ITPR1: variants seen among roughly 807,000 people sequenced by gnomAD.
ITPR1 encodes inositol 1,4,5-trisphosphate-gated calcium channel ITPR1.
Under a neutral mutation model 318.4 loss-of-function variants are expected in ITPR1, and 96 were observed. The observed-to-expected ratio is 0.30, with a 90% CI of 0.26 to 0.36. The LOEUF is 0.36. Among genes scored for constraint, ITPR1 ranks in the 10% least tolerant of loss-of-function variants. The pLI, the probability that ITPR1 is intolerant of heterozygous loss-of-function variation, is 1.00. For synonymous variants in ITPR1, 1,312 were observed against 1,289.9 expected (o/e 1.02, Z -0.37); for missense variants, 2,440 against 3,460.2 (o/e 0.71, Z 7.40).
intron 4 of ITPR1, among the ~76,000 whole-genome samples, chr3:4,606,424 GTGTGAAAGTTTATT>G (rs908147781): frequency 8.5e-5 from 13 of 152,152 alleles, no homozygotes; most frequent in Admixed American, 1.3e-4. Flanking sequence ...GTCTCAATCA[GTGTGAAAGTTTATT>G]TTACCAAGGT....
chr3:4,829,473 G>GA (rs1028678988), intron 60 of ITPR1, among the ~76,000 whole-genome samples: 1 of 151,274 alleles, frequency 6.6e-6, no homozygotes, highest in Non-Finnish European at 1.5e-5. Flanking sequence ...GATAGAAGAA[G>GA]AAAAAAAATT....
intron 4 of ITPR1, among the ~76,000 whole-genome samples, chr3:4,563,051 C>T (rs1193072161): frequency 1.3e-5 from 2 of 152,050 alleles, no homozygotes; most frequent in African/African-American, 4.8e-5. Flanking sequence ...GAAGAGCTGG[C>T]CACTTGTATC....
At chr3:4,834,844 G>A (rs565948957) in intron 60 of ITPR1, among the ~76,000 whole-genome samples, 1 of 152,166 alleles carries the variant, frequency 6.6e-6, no homozygotes, top group Non-Finnish European at 1.5e-5. Context: ...GGAAATTGAT[G>A]AATATAAGCT....
chr3:4,568,985 G>A (rs921629969), intron 4 of ITPR1, among the ~76,000 whole-genome samples: 7 of 151,654 alleles, frequency 4.6e-5, no homozygotes, highest in Admixed American at 3.3e-4. Context: ...AGCAAGAGAA[G>A]AATGGGGAGG....
At chr3:4,649,580 T>C (rs1049688399) in intron 10 of ITPR1, among the ~76,000 whole-genome samples, 6 of 152,358 alleles carry the variant, frequency 3.9e-5, no homozygotes, top group South Asian at 4.1e-4. Flanking sequence ...TTGCCAGTGC[T>C]GAATGTTTCA....
Position 4,697,224 on chromosome 3 carries a change from C to T in ITPR1, c.4359C>T (p.Ser1453=). Residue 1453 remains serine, a synonymous_variant, in exon 34 of 62, where the codon AGC becomes AGT. Coordinates refer to ENST00000649015, the MANE Select transcript of ITPR1 (RefSeq NM_001378452.1). ...TGGAAATGAAGGAGATTTATACCAG[C>T]AATCACATGTGGAAATTGTTTGAGA... is the stretch of plus-strand genomic sequence containing the variant. The part of the protein sequence containing the change: ...TEVEMKEIYT[S]NHMWKLFENF... 6.3e-7 allele frequency: 1 copy of T among 1,587,182 alleles called. No homozygotes were observed. Among genetic ancestry groups the T allele is most frequent in the South Asian group, 1.1e-5 (1 of 87,232 alleles).
intron 4 of ITPR1, among the ~76,000 whole-genome samples, chr3:4,595,360 A>G (rs938297544): frequency 2.0e-5 from 3 of 152,184 alleles, no homozygotes; most frequent in African/African-American, 7.2e-5. Context: ...GTGAGGTGCC[A>G]CACACTTTTA....
At position 4,565,284 on chromosome 3, in the gene ITPR1, GT is replaced by G. The variant is rs1418297277; in HGVS notation, c.163+44192del. ...CAGCATGATTTTTCTTACTGCTAGA[GT>G]TGATAGAATAGTCACAGCCACTAGC... On this transcript the variant is annotated intron_variant, in intron 4 of 61. Transcript: ENST00000649015. Among the ~76,000 whole-genome samples, 44 of 152,290 alleles carry G rather than the reference GT, an allele frequency of 2.9e-4. 1 individual carries two copies. Among genetic ancestry groups the G allele is most frequent in the African/African-American group, 1.0e-3 (43 of 41,552 alleles).
Position 4,521,087 on chromosome 3 carries a change from A to G in ITPR1, c.156A>G (p.Lys52=). 6.2e-7 allele frequency: 1 copy of G among 1,612,166 alleles called. No homozygotes were observed. The highest frequency in any genetic ancestry group is 8.5e-7 in the Non-Finnish European group (1 of 1,178,322). ...ETGDLNNPPK[K]FRDCLFKLCP... is the part of the protein sequence containing the mutation. ...GGGACCTTAACAATCCACCTAAGAA[A>G]TTCAGAGGTAAGGTGGTGGCTTTCC... The change falls in exon 4 of 62, where the codon AAA becomes AAG. Residue 52 remains lysine, a synonymous_variant. Coordinates refer to ENST00000649015, the MANE Select transcript of ITPR1 (RefSeq NM_001378452.1).
At position 4,641,989 on chromosome 3, in the gene ITPR1, A is replaced by G. The variant is rs548292575; in HGVS notation, c.367-104A>G. The G allele has an allele frequency of 1.7e-4, 152 of 868,902 alleles. 1 individual carries two copies. In the South Asian group the frequency reaches 2.6e-3, roughly 15 times the overall value. The allele number at this position is 868,902 out of a possible 1,614,324, so 53.8% of individuals were successfully genotyped here. ...ATTCTCTGGCTTCACCAGCAGCTCA[A>G]TGGTGGGAGGAATGTTTGCTACATA... On this transcript the variant is annotated intron_variant, in intron 6 of 61. Coordinates refer to ENST00000649015, the MANE Select transcript of ITPR1 (RefSeq NM_001378452.1).
intron 49 of ITPR1, 123 bp from the exon 50 acceptor site, chr3:4,782,496 T>C (rs2046900010): frequency 4.1e-6 from 4 of 967,934 alleles, no homozygotes; most frequent in East Asian, 2.7e-5. Flanking sequence ...CCAAGCCCGA[T>C]AGGAGAGAGT....
intron 4 of ITPR1, among the ~76,000 whole-genome samples, chr3:4,523,973 T>C (rs2082766261): frequency 6.6e-6 from 1 of 152,232 alleles, no homozygotes; most frequent in South Asian, 2.1e-4. Context: ...GTTCTACAGG[T>C]GGTCACGTGA....
At chr3:4,642,947 T>C (rs2093371127) in intron 7 of ITPR1, among the ~76,000 whole-genome samples, 1 of 152,256 alleles carries the variant, frequency 6.6e-6, no homozygotes, top group Admixed American at 6.5e-5. Flanking sequence ...TTGAAAAATA[T>C]GCCGCAAACA....
At chr3:4,761,039 C>T (rs9871052) in intron 44 of ITPR1, among the ~76,000 whole-genome samples, 84,251 of 152,060 alleles carry the variant, frequency 0.55, 24,758 homozygotes, top group Non-Finnish European at 0.67. Flanking sequence ...CTAATCAAGA[C>T]ATTTATTTTC....
Position 4,683,736 on chromosome 3 carries a change from G to C in ITPR1, c.3436G>C (p.Gly1146Arg). Reference sequence around the variant, plus strand: ...AAAGTCAGAGCTTTGGGTGTACAAAGGGCAGGGCCCCGATGAGACTATGGA... The same window carrying C: ...AAAGTCAGAGCTTTGGGTGTACAAACGGCAGGGCCCCGATGAGACTATGGA... ...VEKSELWVYK[G>R]QGPDETMDGA... The change falls in exon 28 of 62, where the codon GGG becomes CGG. Residue 1146 changes from glycine to arginine, a missense_variant. This residue lies in a region of ITPR1 where 86 missense variants were observed against 75.6 expected (regional missense o/e 1.14). Coordinates refer to ENST00000649015, the MANE Select transcript of ITPR1 (RefSeq NM_001378452.1). 5 of 1,614,020 alleles carry C rather than the reference G, an allele frequency of 3.1e-6. No individual in the cohort carries two copies. The highest frequency in any genetic ancestry group is 4.2e-6 in the Non-Finnish European group (5 of 1,179,886).
chr3:4,726,387 C>T (rs1405881665), intron 41 of ITPR1, among the ~76,000 whole-genome samples: 1 of 151,702 alleles, frequency 6.6e-6, no homozygotes, highest in Non-Finnish European at 1.5e-5. Context: ...ACTAAACTCA[C>T]TAAATGAAGG....
chr3:4,628,897 T>A (rs1412647769), intron 5 of ITPR1, among the ~76,000 whole-genome samples: 1 of 152,252 alleles, frequency 6.6e-6, no homozygotes, highest in Admixed American at 6.5e-5. Context: ...GCCTCTCACC[T>A]TGCTCCATTT....
At chr3:4,663,908 AC>A (rs1378811901) in intron 16 of ITPR1, among the ~76,000 whole-genome samples, 2 of 152,140 alleles carry the variant, frequency 1.3e-5, no homozygotes, top group Non-Finnish European at 2.9e-5. Flanking sequence ...AACAGTATGT[AC>A]CCTTTTCAGA....
At chr3:4,752,058 A>G (rs2044572751) in intron 44 of ITPR1, among the ~76,000 whole-genome samples, 1 of 152,182 alleles carries the variant, frequency 6.6e-6, no homozygotes, top group Non-Finnish European at 1.5e-5. Context: ...TTTGATCAAG[A>G]TGGCTCTGAC....
Sources: gnomAD v4.1 joint callset for allele counts (sites outside exome capture counted in the v4.1 genomes callset) on GRCh38, gnomAD v4.1.1 for gene constraint, gnomAD v4.1.1 regional missense constraint, MANE v1.5 for transcripts, NCBI Gene and HGNC (gene_info 2026-07-23, HGNC 2026-07-21) for gene names.